PPP4R4: variants seen among roughly 807,000 people sequenced by gnomAD.
PPP4R4 encodes the protein serine/threonine-protein phosphatase 4 regulatory subunit 4.
A neutral mutation model predicts 121.8 loss-of-function variants in PPP4R4; 70 were observed. That is an observed-to-expected ratio of 0.57 (90% confidence interval 0.47 to 0.70). PPP4R4 has a LOEUF of 0.70. PPP4R4 is among the 30% of genes least tolerant of loss of function. The pLI is 0.00. For missense variants in PPP4R4, 875 were observed against 1,033.6 expected (o/e 0.85, Z 2.10); for synonymous variants, 348 against 355.7 (o/e 0.98, Z 0.24).
At chr14:94,268,720 G>T (rs905405547) in intron 23 of PPP4R4, among the ~76,000 whole-genome samples, 1 of 152,096 alleles carries the variant, frequency 6.6e-6, no homozygotes, top group Non-Finnish European at 1.5e-5. Flanking sequence ...AAGCAAGAGG[G>T]TGTATGTAGG....
chr14:94,256,685 G>C, intron 17 of PPP4R4, 81 bp downstream of exon 17: 2 of 1,297,588 alleles, frequency 1.5e-6, no homozygotes, highest in Non-Finnish European at 2.1e-6. Flanking sequence ...CAGCTTGACA[G>C]GATAGCAATA....
intron 14 of PPP4R4, among the ~76,000 whole-genome samples, chr14:94,247,937 C>A (rs1334877913): frequency 6.6e-6 from 1 of 152,144 alleles, no homozygotes; most frequent in Non-Finnish European, 1.5e-5. Flanking sequence ...CTGTCTATGA[C>A]AAACCCACTG....
At chr14:94,277,522 C>T (rs1894711008) in intron 24 of PPP4R4, among the ~76,000 whole-genome samples, 1 of 152,164 alleles carries the variant, frequency 6.6e-6, no homozygotes, top group Non-Finnish European at 1.5e-5. Flanking sequence ...TTACCCTAAA[C>T]CCTCTTCCTC....
chr14:94,178,185 C>T, intron 2 of PPP4R4, among the ~76,000 whole-genome samples: 1 of 152,266 alleles, frequency 6.6e-6, no homozygotes, highest in East Asian at 1.9e-4. Context: ...TTCTCATCTT[C>T]TCTCATGTAT....
chr14:94,278,914 TC>T lies in PPP4R4; in HGVS notation c.*272del, dbSNP rs1194372256. The T allele has an allele frequency of 7.6e-5, 18 of 237,412 alleles. No homozygotes were observed. The highest frequency in any genetic ancestry group is 1.3e-3 in the Middle Eastern group (1 of 758). 14.7% of individuals were successfully genotyped at this position (237,412 alleles called of 1,614,324 possible). A position where few individuals can be genotyped will look rare whatever the true frequency, so the allele number is the denominator to read the frequency against. ...ATAGTGAAGTGTAATGAAAAACATC[TC>T]TAGGAATGTGCTTTAACCACTGCTG... On this transcript the variant is annotated 3_prime_UTR_variant, in exon 25 of 25. Coordinates refer to ENST00000304338, the MANE Select transcript of PPP4R4 (RefSeq NM_058237.2).
At chr14:94,275,310 T>C in intron 23 of PPP4R4, 64 bp from the exon 24 acceptor site, 1 of 1,550,908 alleles carries the variant, frequency 6.4e-7, no homozygotes, top group Non-Finnish European at 8.9e-7. Context: ...AACCTTTTCT[T>C]CTCTTTGGTT....
Position 94,242,363 on chromosome 14 carries a change from C to T in PPP4R4, c.1221C>T (p.Asp407=), listed in dbSNP as rs749992621. Residue 407 remains aspartate (D), a synonymous_variant, in exon 11 of 25, where the codon GAC becomes GAT. Transcript: ENST00000304338. ...CTACATTCTTCTGCCTTTGCCATGA[C>T]CCTGAAGTACCAGTCAGATACACTA... is the stretch of plus-strand genomic sequence containing the variant. ...LYSTFFCLCH[D]PEVPVRYTIA... is the part of the protein sequence containing the mutation. The T allele has an allele frequency of 6.0e-5, 97 of 1,610,346 alleles. 1 individual carries two copies. In the South Asian group the frequency reaches 9.9e-4, roughly 16 times the overall value.
intron 8 of PPP4R4, among the ~76,000 whole-genome samples, chr14:94,239,779 T>A (rs138690475): frequency 0.036 from 5,490 of 152,238 alleles, 166 homozygotes; most frequent in Middle Eastern, 0.12. Flanking sequence ...ATTAAGACAG[T>A]GATCACATTG....
At chr14:94,174,970 T>TCCCCCCCCCC (rs1263392173) in intron 1 of PPP4R4, among the ~76,000 whole-genome samples, 1 of 68,080 alleles carries the variant, frequency 1.5e-5, no homozygotes, top group Non-Finnish European at 2.8e-5. Flanking sequence ...CCCCCTTCCT[T>TCCCCCCCCCC]CCGCCCCCCC....
At chr14:94,237,466 C>A in intron 7 of PPP4R4, 99 bp from the exon 8 acceptor site, 1 of 1,136,092 alleles carries the variant, frequency 8.8e-7, no homozygotes. Flanking sequence ...TATGATTTTT[C>A]ATATTTTCTG....
chr14:94,271,777 A>G (rs1262900161), intron 23 of PPP4R4, among the ~76,000 whole-genome samples: 1 of 152,218 alleles, frequency 6.6e-6, no homozygotes, highest in Middle Eastern at 3.2e-3. Flanking sequence ...GGAACTAAGA[A>G]GTGATTATGG....
chr14:94,243,086 C>T (rs1425737046), intron 11 of PPP4R4, among the ~76,000 whole-genome samples: 4 of 152,138 alleles, frequency 2.6e-5, no homozygotes, highest in Non-Finnish European at 5.9e-5. Context: ...TCACCCCCTT[C>T]CTTGCACTGT....
At chr14:94,208,113 T>C (rs1890559007) in intron 2 of PPP4R4, among the ~76,000 whole-genome samples, 1 of 151,952 alleles carries the variant, frequency 6.6e-6, no homozygotes, top group Non-Finnish European at 1.5e-5. Flanking sequence ...TATATTTTTA[T>C]AAAGTATGGC....
intron 2 of PPP4R4, among the ~76,000 whole-genome samples, chr14:94,188,815 G>A (rs1889436571): frequency 1.3e-5 from 2 of 152,002 alleles, no homozygotes; most frequent in Non-Finnish European, 2.9e-5. Context: ...TATACATATA[G>A]CAAAATATCA....
At chr14:94,210,072 A>G (rs1187343977) in intron 3 of PPP4R4, among the ~76,000 whole-genome samples, 3 of 151,714 alleles carry the variant, frequency 2.0e-5, no homozygotes, top group Non-Finnish European at 4.4e-5. Context: ...CTTACTTTCT[A>G]TTTAAAATAT....
At chr14:94,239,759 T>C (rs1892529884) in intron 8 of PPP4R4, among the ~76,000 whole-genome samples, 2 of 152,170 alleles carry the variant, frequency 1.3e-5, no homozygotes, top group South Asian at 4.1e-4. Context: ...ATCCCTGCCT[T>C]ATACCAGCTA....
chr14:94,205,085 T>C (rs1409075614), intron 2 of PPP4R4, among the ~76,000 whole-genome samples: 1 of 152,202 alleles, frequency 6.6e-6, no homozygotes, highest in African/African-American at 2.4e-5. Flanking sequence ...ATTTAGGAAG[T>C]GCCACCTCCT....
Position 94,279,448 on chromosome 14 carries a change from A to C in PPP4R4, c.*805A>C, listed in dbSNP as rs932310469. On this transcript the variant is annotated 3_prime_UTR_variant, in exon 25 of 25. Coordinates refer to ENST00000304338, the MANE Select transcript of PPP4R4 (RefSeq NM_058237.2). ...AGCTATGTCAACAGCATTTATTTGT[A>C]CTAATGCTAATATTTCCATCAAAAT... The C allele has an allele frequency of 2.0e-5, 3 of 152,626 alleles. No homozygotes were observed. Among genetic ancestry groups the C allele is most frequent in the Admixed American group, 2.0e-4 (3 of 15,276 alleles). The allele number at this position is 152,626 out of a possible 1,614,324, so 9.5% of individuals were successfully genotyped here.
Position 94,232,433 on chromosome 14 carries a change from G to A in PPP4R4, c.516+1118G>A, listed in dbSNP as rs1306996871. Among the ~76,000 whole-genome samples, 4 of 152,078 alleles carry A rather than the reference G, an allele frequency of 2.6e-5. No homozygotes were observed. The South Asian group carries it at 6.2e-4, about 24-fold the overall frequency. On this transcript the variant is annotated intron_variant, in intron 5 of 24. Coordinates refer to ENST00000304338, the MANE Select transcript of PPP4R4 (RefSeq NM_058237.2). Reference sequence around the variant, plus strand: ...TTATAAGGATGTTTGCATACTTGATGCCAAACATCTAGATGATTATGCATA... The same window carrying A: ...TTATAAGGATGTTTGCATACTTGATACCAAACATCTAGATGATTATGCATA...
Sources: gnomAD v4.1 joint callset for allele counts (sites outside exome capture counted in the v4.1 genomes callset) on GRCh38, gnomAD v4.1.1 for gene constraint, MANE v1.5 for transcripts, NCBI Gene and HGNC (gene_info 2026-07-23, HGNC 2026-07-21) for gene names.